TRAPPC12: variants seen among roughly 807,000 people sequenced by gnomAD.
TRAPPC12 encodes the protein trafficking protein particle complex subunit 12, also known as TPR repeat protein 15.
Under a neutral mutation model 69.2 loss-of-function variants are expected in TRAPPC12, and 61 were observed. The ratio of observed to expected loss-of-function variants is 0.88; its 90% CI spans 0.72 to 1.09. The LOEUF (loss-of-function observed/expected upper bound fraction) is 1.09, where lower values mean the gene tolerates loss of function less well. Among genes scored for constraint, TRAPPC12 ranks in the 50% least tolerant of loss-of-function variants. The pLI is 0.00. For missense variants in TRAPPC12, 1,101 were observed against 1,016.4 expected (o/e 1.08, Z -1.13); for synonymous variants, 469 against 438.9 (o/e 1.07, Z -0.86).
At chr2:3,393,124 A>T (rs1337346377) in intron 2 of TRAPPC12, among the ~76,000 whole-genome samples, 2 of 151,994 alleles carry the variant, frequency 1.3e-5, no homozygotes, top group Non-Finnish European at 2.9e-5. Flanking sequence ...AAAAAAAAAA[A>T]TGTTTTTAAA....
At chr2:3,456,929 C>G in intron 6 of TRAPPC12, 1 of 344,794 alleles carries the variant, frequency 2.9e-6, no homozygotes, top group Non-Finnish European at 5.6e-6. Flanking sequence ...ACATATTCCC[C>G]ATGTATGATG....
chr2:3,393,689 T>TA lies in TRAPPC12; in HGVS notation c.1047+5034dup, dbSNP rs11336017. On this transcript the variant is annotated intron_variant, in intron 2 of 11. Transcript: ENST00000324266. ...TATGCCTTTTCTATTTACCCACATTTAAAAAAAAAAAAAAAGAACTGGAAA... is the reference window on the plus strand; with the variant it reads ...TATGCCTTTTCTATTTACCCACATTTAAAAAAAAAAAAAAAAGAACTGGAAA... Among the ~76,000 whole-genome samples, 46 of 126,978 alleles carry TA rather than the reference T, an allele frequency of 3.6e-4. 1 individual carries two copies. The highest frequency in any genetic ancestry group is 4.4e-3 in the Middle Eastern group (1 of 226). The allele number at this position is 126,978 out of a possible 152,430, so 83.3% of individuals were successfully genotyped here.
chr2:3,434,307 C>A (rs1663628491), intron 5 of TRAPPC12, among the ~76,000 whole-genome samples: 1 of 152,200 alleles, frequency 6.6e-6, no homozygotes, highest in Non-Finnish European at 1.5e-5. Context: ...CAGCTGCTTC[C>A]ATTTATTGTT....
chr2:3,465,783 A>G, intron 9 of TRAPPC12, 88 bp downstream of exon 9: 2 of 921,378 alleles, frequency 2.2e-6, no homozygotes, highest in South Asian at 2.7e-5. Flanking sequence ...AATCATTTTA[A>G]TATAAGAAAG....
intron 5 of TRAPPC12, among the ~76,000 whole-genome samples, chr2:3,439,508 G>A (rs900313590): frequency 1.1e-4 from 16 of 151,644 alleles, no homozygotes; most frequent in African/African-American, 2.9e-4. Context: ...GCCTCCCCGC[G>A]TGCTGGGATC....
intron 8 of TRAPPC12, among the ~76,000 whole-genome samples, chr2:3,464,908 A>C (rs913402701): frequency 2.0e-5 from 3 of 152,266 alleles, no homozygotes; most frequent in African/African-American, 7.2e-5. Context: ...CACCACAGGC[A>C]GGGCAGAGCG....
intron 8 of TRAPPC12, among the ~76,000 whole-genome samples, chr2:3,463,325 C>G (rs544986055): frequency 2.0e-5 from 3 of 152,010 alleles, no homozygotes; most frequent in African/African-American, 7.2e-5. Context: ...CACACAGACA[C>G]GTGTCATGTT....
chr2:3,409,522 G>A (rs578200422), intron 3 of TRAPPC12, among the ~76,000 whole-genome samples: 1 of 152,186 alleles, frequency 6.6e-6, no homozygotes, highest in African/African-American at 2.4e-5. Flanking sequence ...GCTGAGGTAG[G>A]AGAATCAGTT....
chr2:3,415,836 C>T, intron 3 of TRAPPC12, among the ~76,000 whole-genome samples: 1 of 152,212 alleles, frequency 6.6e-6, no homozygotes, highest in East Asian at 1.9e-4. Context: ...CCTGCCTCAG[C>T]CTCCCAAGTA....
intron 5 of TRAPPC12, among the ~76,000 whole-genome samples, chr2:3,442,315 A>T (rs909303401): frequency 6.6e-6 from 1 of 152,170 alleles, no homozygotes; most frequent in African/African-American, 2.4e-5. Context: ...GTAAGTGATA[A>T]ACCACACAGG....
intron 5 of TRAPPC12, among the ~76,000 whole-genome samples, chr2:3,437,240 G>A (rs376347028): frequency 1.1e-3 from 16 of 15,046 alleles, no homozygotes; most frequent in South Asian, 2.9e-3. Context: ...CTGGATTAAT[G>A]CCCCATCACC....
chr2:3,478,830 G>A lies in TRAPPC12; in HGVS notation c.1878-16G>A, dbSNP rs372620719. 5.1e-5 allele frequency: 83 copies of A among 1,613,014 alleles called. 1 individual carries two copies. Among genetic ancestry groups the A allele is most frequent in the South Asian group, 2.7e-4 (25 of 91,056 alleles). On this transcript the variant is annotated splice_polypyrimidine_tract_variant and intron_variant, in intron 10 of 11. Coordinates refer to ENST00000324266, the MANE Select transcript of TRAPPC12 (RefSeq NM_016030.6). Reference sequence around the variant, plus strand: ...TGGGCTTTCCCCGCTAACTGCCACCGTTGCTTGTGTTACAGCGCGTTCCTT... The same window carrying A: ...TGGGCTTTCCCCGCTAACTGCCACCATTGCTTGTGTTACAGCGCGTTCCTT...
intron 1 of TRAPPC12, among the ~76,000 whole-genome samples, chr2:3,386,536 GTATA>G (rs1474187749): frequency 6.6e-6 from 1 of 152,192 alleles, no homozygotes; most frequent in Non-Finnish European, 1.5e-5. Flanking sequence ...ACAGGCATAT[GTATA>G]TATAGCCAGG....
chr2:3,391,353 C>T (rs1319500106), intron 2 of TRAPPC12, among the ~76,000 whole-genome samples: 4 of 152,134 alleles, frequency 2.6e-5, no homozygotes, highest in Non-Finnish European at 4.4e-5. Flanking sequence ...ATAAGCCAAT[C>T]GTATGACTGT....
chr2:3,464,289 G>A (rs969023600), intron 8 of TRAPPC12, among the ~76,000 whole-genome samples: 1 of 152,334 alleles, frequency 6.6e-6, no homozygotes, highest in Non-Finnish European at 1.5e-5. Context: ...TGTCTGGCTC[G>A]TCATGGGCGT....
At chr2:3,408,068 C>T (rs1661827023) in intron 3 of TRAPPC12, among the ~76,000 whole-genome samples, 1 of 152,142 alleles carries the variant, frequency 6.6e-6, no homozygotes, top group African/African-American at 2.4e-5. Flanking sequence ...TCTGCTAGTT[C>T]CACATCACCT....
chr2:3,460,359 C>T (rs1046762231), intron 8 of TRAPPC12, 23 bp downstream of exon 8: 4 of 866,180 alleles, frequency 4.6e-6, no homozygotes, highest in Non-Finnish European at 8.0e-6. Flanking sequence ...CCAAGCAGGG[C>T]TGCCATGTGA....
chr2:3,474,652 A>G (rs1427441400), intron 9 of TRAPPC12, among the ~76,000 whole-genome samples: 2 of 152,178 alleles, frequency 1.3e-5, no homozygotes, highest in Non-Finnish European at 2.9e-5. Flanking sequence ...AAGTGATGTT[A>G]GTATCTGGTT....
chr2:3,424,692 A>G lies in TRAPPC12; in HGVS notation c.1417+29A>G, dbSNP rs1427293640. 7 of 1,548,528 alleles carry G rather than the reference A, an allele frequency of 4.5e-6. No homozygotes were observed. In the Admixed American group the frequency reaches 1.1e-4, roughly 23 times the overall value. Reference sequence around the variant, plus strand: ...AGGCCATGGTATTTAATATTTGTACATTTGTCTGTGTGTCGCTCTGGTTTG... The same window carrying G: ...AGGCCATGGTATTTAATATTTGTACGTTTGTCTGTGTGTCGCTCTGGTTTG... On this transcript the variant is annotated intron_variant, in intron 5 of 11. Coordinates refer to ENST00000324266, the MANE Select transcript of TRAPPC12 (RefSeq NM_016030.6).
Sources: allele counts gnomAD v4.1 joint callset (sites outside exome capture counted in the v4.1 genomes callset), GRCh38; gene constraint gnomAD v4.1.1; transcripts MANE v1.5; gene names NCBI Gene and HGNC (gene_info 2026-07-23, HGNC 2026-07-21).